Variants in NCF4 observed in about 807,000 individuals in gnomAD.
The protein encoded by NCF4 is neutrophil cytosolic factor 4, also known as neutrophil cytosol factor 4.
A neutral mutation model predicts 41.7 loss-of-function variants in NCF4; 30 were observed. That is an observed-to-expected ratio of 0.72 (90% CI 0.54 to 0.97). NCF4 has a LOEUF of 0.97. Ranked by LOEUF, NCF4 falls within the 50% of genes least tolerant of loss-of-function variation. The pLI, the probability that NCF4 is intolerant of heterozygous loss-of-function variation, is 0.00. For synonymous variants in NCF4, 195 were observed against 175.8 expected, an observed-to-expected ratio of 1.11 and a Z score of -0.87; for missense variants, 432 against 460.9, an observed-to-expected ratio of 0.94 and a Z score of 0.57.
In NCF4 at chr22:36,877,915, C is replaced by A; in HGVS notation, c.*92C>A. 1 of 1,319,218 alleles carries A rather than the reference C, an allele frequency of 7.6e-7. No individual in the cohort carries two copies. The highest frequency in any genetic ancestry group is 1.1e-6 in the Non-Finnish European group (1 of 947,052). The allele number at this position is 1,319,218 out of a possible 1,614,324, so 81.7% of individuals were successfully genotyped here. A position where few individuals can be genotyped will look rare whatever the true frequency, so the allele number is the denominator to read the frequency against. ...GACCAGGAAAACCTGGGAGGATGGG[C>A]AGACTTCCTGTCTTTGAGGCTAATG... On this transcript the variant is annotated 3_prime_UTR_variant, in exon 10 of 10. Transcript: ENST00000248899.
At chr22:36,864,817 C>G (rs559296246) in intron 2 of NCF4, 102 bp from the exon 3 acceptor site, 2 of 1,436,772 alleles carry the variant, frequency 1.4e-6, no homozygotes, top group South Asian at 2.4e-5. Context: ...CATCCTTATC[C>G]TCATCATCTT....
At position 36,872,458 on chromosome 22, in the gene NCF4, G is replaced by A. The variant is rs527345516; in HGVS notation, c.627+33G>A. 1.2e-4 allele frequency: 175 copies of A among 1,517,826 alleles called. No individual in the cohort carries two copies. In the African/African-American group the frequency reaches 2.2e-3, roughly 19 times the overall value. 94.0% of individuals were successfully genotyped at this position (1,517,826 alleles called of 1,614,324 possible). A position where few individuals can be genotyped will look rare whatever the true frequency, so the allele number is the denominator to read the frequency against. On this transcript the variant is annotated intron_variant, in intron 7 of 9. Transcript: ENST00000248899. ...CAGAAGTGAGGATGGAGGTGAGATTGAAGGTGAGGTTGGAGGGAAATTAAA... is the reference window on the plus strand; with the variant it reads ...CAGAAGTGAGGATGGAGGTGAGATTAAAGGTGAGGTTGGAGGGAAATTAAA...
intron 1 of NCF4, 69 bp downstream of exon 1, chr22:36,861,272 A>G: frequency 6.6e-7 from 1 of 1,504,686 alleles, no homozygotes; most frequent in Non-Finnish European, 9.1e-7. Context: ...GACAAAGGCC[A>G]GTCCTTCTGC....
intron 1 of NCF4, among the ~76,000 whole-genome samples, chr22:36,862,591 CT>C (rs1383415916): frequency 6.6e-6 from 1 of 152,208 alleles, no homozygotes; most frequent in Non-Finnish European, 1.5e-5. Context: ...CCCCTTTCAG[CT>C]GCCTTAGCCC....
At chr22:36,871,946 C>T (rs149517831) in intron 6 of NCF4, among the ~76,000 whole-genome samples, 30 of 152,378 alleles carry the variant, frequency 2.0e-4, no homozygotes, top group South Asian at 1.7e-3. Context: ...TCCATCCCTA[C>T]GCTCATCCGG....
At chr22:36,863,539 G>A (rs1864256697) in intron 1 of NCF4, among the ~76,000 whole-genome samples, 1 of 18,220 alleles carries the variant, frequency 5.5e-5, no homozygotes, top group Admixed American at 6.1e-4. Context: ...CTCTCCGACT[G>A]GTCTCTCATC....
chr22:36,871,993 T>G (rs1022446329), intron 6 of NCF4: 19 of 634,226 alleles, frequency 3.0e-5, no homozygotes, highest in Non-Finnish European at 4.6e-5. Flanking sequence ...CAGCCCTGCC[T>G]TAGGCATGGA....
chr22:36,875,265 A>G (rs6000460), intron 7 of NCF4, among the ~76,000 whole-genome samples: 89,198 of 151,862 alleles, frequency 0.59, 27,416 homozygotes, highest in Non-Finnish European at 0.67. Flanking sequence ...ACTGATCTCA[A>G]GTGATTCACC....
At position 36,870,543 on chromosome 22, in the gene NCF4, G is replaced by A. The variant is rs1175926277; in HGVS notation, c.470+1G>A. On this transcript the variant is annotated splice_donor_variant, in intron 5 of 9. Coordinates refer to ENST00000248899, the MANE Select transcript of NCF4 (RefSeq NM_000631.5). LOFTEE classifies it high-confidence loss of function. ...GGCTCCGCCCGCGCACCCGGAAAGT[G>A]TAAGTGACCAGCCCCTGGGCTTCCA... 1 of 1,611,316 alleles carries A rather than the reference G, an allele frequency of 6.2e-7. No homozygotes were observed. The highest frequency in any genetic ancestry group is 1.1e-5 in the South Asian group (1 of 91,086).
At chr22:36,871,118 CCCCACCAGCT>C (rs1940045150) in intron 5 of NCF4, among the ~76,000 whole-genome samples, 1 of 152,208 alleles carries the variant, frequency 6.6e-6, no homozygotes, top group South Asian at 2.1e-4. Flanking sequence ...CTCCTGAGCT[CCCCACCAGCT>C]CCTCCCTCTG....
At chr22:36,868,176 G>A (rs1939972834) in intron 4 of NCF4, among the ~76,000 whole-genome samples, 1 of 152,242 alleles carries the variant, frequency 6.6e-6, no homozygotes, top group South Asian at 2.1e-4. Flanking sequence ...ACCGTCGCTA[G>A]AGACCTGATA....
At chr22:36,870,075 C>A (rs140156771) in intron 4 of NCF4, 1 of 377,842 alleles carries the variant, frequency 2.6e-6, no homozygotes, top group Non-Finnish European at 5.1e-6. Flanking sequence ...GGAGCAAGGG[C>A]GCGCATGTGA....
intron 4 of NCF4, chr22:36,870,162 C>A (rs755853009): frequency 1.8e-6 from 1 of 551,902 alleles, no homozygotes; most frequent in Non-Finnish European, 3.2e-6. Context: ...AACTTTAAGT[C>A]TTTTCCAAAT....
At chr22:36,869,240 T>C (rs1371684092) in intron 4 of NCF4, among the ~76,000 whole-genome samples, 10 of 152,208 alleles carry the variant, frequency 6.6e-5, no homozygotes, top group Admixed American at 6.5e-4. Flanking sequence ...GTAACAATGA[T>C]GACATCTAAC....
chr22:36,877,452 G>A (rs1449945370), intron 9 of NCF4, among the ~76,000 whole-genome samples, 176 bp from the exon 10 acceptor site: 2 of 152,070 alleles, frequency 1.3e-5, no homozygotes, highest in Non-Finnish European at 1.5e-5. Flanking sequence ...TCCCTTTTAG[G>A]CCTCGATATC....
At chr22:36,866,837 C>T (rs966781138) in intron 3 of NCF4, among the ~76,000 whole-genome samples, 1 of 152,204 alleles carries the variant, frequency 6.6e-6, no homozygotes, top group Admixed American at 6.5e-5. Flanking sequence ...ATCCACTTAA[C>T]AAATGCTCAT....
chr22:36,872,108 C>G (rs1241567959), intron 6 of NCF4: 2 of 710,198 alleles, frequency 2.8e-6, no homozygotes, highest in South Asian at 1.5e-5. Flanking sequence ...TGCTCACCCC[C>G]ACCAGGTTTG....
At chr22:36,867,110 C>CATGT (rs146306103) in intron 3 of NCF4, among the ~76,000 whole-genome samples, 1 of 143,762 alleles carries the variant, frequency 7.0e-6, no homozygotes, top group African/African-American at 2.6e-5. Flanking sequence ...AACTAAGAGT[C>CATGT]GTGTGTGTGT....
At chr22:36,877,337 A>G (rs986705958) in intron 9 of NCF4, among the ~76,000 whole-genome samples, 2 of 152,038 alleles carry the variant, frequency 1.3e-5, no homozygotes, top group African/African-American at 2.4e-5. Flanking sequence ...GGGTTTCACC[A>G]TGTTGGCCAG....
Sources: gnomAD v4.1 joint callset for allele counts (sites outside exome capture counted in the v4.1 genomes callset) on GRCh38, gnomAD v4.1.1 for gene constraint, MANE v1.5 for transcripts, NCBI Gene and HGNC (gene_info 2026-07-23, HGNC 2026-07-21) for gene names.